The following LRRC4C variants were observed in gnomAD, a reference collection of about 807,000 sequenced individuals.
The protein encoded by LRRC4C is leucine-rich repeat-containing protein 4C.
In LRRC4C, 5 loss-of-function variants were observed where a neutral mutation model predicts 33.6. That is an observed-to-expected ratio of 0.15 (90% CI 0.08 to 0.31). The LOEUF (loss-of-function observed/expected upper bound fraction) is 0.31, where lower values mean the gene tolerates loss of function less well. LRRC4C is among the 10% of genes least tolerant of loss of function. The pLI is 1.00. For missense variants in LRRC4C, 560 were observed against 796.7 expected, an observed-to-expected ratio of 0.70 and a Z score of 3.58; for synonymous variants, 329 against 302.0, an observed-to-expected ratio of 1.09 and a Z score of -0.93.
At chr11:40,320,815 A>G (rs1945806427) in intron 3 of LRRC4C, among the ~76,000 whole-genome samples, 1 of 152,204 alleles carries the variant, frequency 6.6e-6, no homozygotes, top group Non-Finnish European at 1.5e-5. Context: ...TAGAATGATC[A>G]GGAAGATTTT....
At chr11:40,951,409 T>C (rs1958684364) in intron 1 of LRRC4C, among the ~76,000 whole-genome samples, 1 of 146,352 alleles carries the variant, frequency 6.8e-6, no homozygotes, top group African/African-American at 2.5e-5. Flanking sequence ...TTGGGGGAAA[T>C]AGGAGTGAAA....
chr11:41,145,719 C>G (rs941436006), intron 1 of LRRC4C, among the ~76,000 whole-genome samples: 2 of 152,128 alleles, frequency 1.3e-5, no homozygotes, highest in East Asian at 1.9e-4. Context: ...ACACTGCATG[C>G]CTCTTACCTA....
chr11:40,905,878 C>A (rs1956391935), intron 2 of LRRC4C, among the ~76,000 whole-genome samples: 1 of 152,188 alleles, frequency 6.6e-6, no homozygotes, highest in African/African-American at 2.4e-5. Flanking sequence ...GATAAAGTAG[C>A]CACAGAGTTT....
intron 1 of LRRC4C, among the ~76,000 whole-genome samples, chr11:41,316,650 T>C (rs1950806715): frequency 1.3e-5 from 2 of 152,198 alleles, no homozygotes. Context: ...TCTTATCCCC[T>C]TGCTTTCTTA....
At chr11:41,231,361 C>G (rs12285778) in intron 1 of LRRC4C, among the ~76,000 whole-genome samples, 4 of 151,970 alleles carry the variant, frequency 2.6e-5, no homozygotes, top group Non-Finnish European at 4.4e-5. Context: ...GACTTGGAAC[C>G]AACCCAAATG....
intron 1 of LRRC4C, among the ~76,000 whole-genome samples, chr11:41,403,044 C>A (rs747008230): frequency 9.2e-5 from 14 of 151,888 alleles, no homozygotes; most frequent in Non-Finnish European, 1.5e-4. Context: ...GTATTTTTTT[C>A]TTTGCTGAAG....
At position 40,147,939 on chromosome 11, in the gene LRRC4C, G is replaced by A. The variant is rs149252457; in HGVS notation, c.-95-7086C>T. On this transcript the variant is annotated intron_variant, in intron 5 of 6. Transcript: ENST00000528697. ...GCCCCAGTGTGTGTTGTTCCCCTCT[G>A]TGTGTCCATGTGTTCTCATCATTTA... is the stretch of plus-strand genomic sequence containing the variant. Among the ~76,000 whole-genome samples, 560 of 152,082 alleles carry A rather than the reference G, an allele frequency of 3.7e-3. 6 individuals are homozygous for A. Among genetic ancestry groups the A allele is most frequent in the African/African-American group, 0.012 (516 of 41,490 alleles).
chr11:41,390,664 G>A (rs1236479563), intron 1 of LRRC4C, among the ~76,000 whole-genome samples: 1 of 151,758 alleles, frequency 6.6e-6, no homozygotes, highest in Non-Finnish European at 1.5e-5. Context: ...AACTTCATCT[G>A]ATCATCTCCA....
At chr11:41,309,715 C>T (rs1161660592) in intron 1 of LRRC4C, among the ~76,000 whole-genome samples, 1 of 152,162 alleles carries the variant, frequency 6.6e-6, no homozygotes, top group African/African-American at 2.4e-5. Context: ...AAAATAAAAT[C>T]CCTGCACACT....
chr11:41,386,698 C>T (rs1953374392), intron 1 of LRRC4C, among the ~76,000 whole-genome samples: 1 of 151,490 alleles, frequency 6.6e-6, no homozygotes, highest in Non-Finnish European at 1.5e-5. Context: ...CATATGCTTC[C>T]TTTTTCATCT....
chr11:40,442,599 T>C (rs1951447555), intron 3 of LRRC4C, among the ~76,000 whole-genome samples: 1 of 152,210 alleles, frequency 6.6e-6, no homozygotes, highest in Non-Finnish European at 1.5e-5. Context: ...ACCCGACCTT[T>C]AAACTCTGTC....
In LRRC4C at chr11:40,316,755, G is replaced by C. The variant is rs144039755; in HGVS notation, c.-176+2873C>G. Among the ~76,000 whole-genome samples the C allele has an allele frequency of 4.1e-3, 619 of 151,946 alleles. 16 individuals are homozygous for C. The highest frequency in any genetic ancestry group is 0.015 in the African/African-American group (601 of 41,408). On this transcript the variant is annotated intron_variant, in intron 4 of 6. Coordinates refer to ENST00000528697, the MANE Select transcript of LRRC4C (RefSeq NM_001258419.2). ...TCATTAGAAGCTTCATAAATCTCAA[G>C]GTAAAATTAAACTTAGAATGCTTTC...
chr11:41,172,574 GTCCT>G (rs1227925358), intron 1 of LRRC4C, among the ~76,000 whole-genome samples: 3 of 152,034 alleles, frequency 2.0e-5, no homozygotes, highest in African/African-American at 4.8e-5. Flanking sequence ...TGCTCACACA[GTCCT>G]TGTAATTTTA....
chr11:40,313,422 C>A (rs1945410978), intron 4 of LRRC4C, among the ~76,000 whole-genome samples: 1 of 151,878 alleles, frequency 6.6e-6, no homozygotes, highest in African/African-American at 2.4e-5. Context: ...CAATGTCATA[C>A]ATTGGAGGAA....
intron 3 of LRRC4C, among the ~76,000 whole-genome samples, chr11:40,470,304 A>G (rs957044138): frequency 2.0e-5 from 3 of 152,212 alleles, no homozygotes; most frequent in African/African-American, 7.2e-5. Context: ...TGACTGTTAG[A>G]AGGAAAGCTA....
At chr11:41,063,447 A>G (rs1937951990) in intron 1 of LRRC4C, among the ~76,000 whole-genome samples, 1 of 152,186 alleles carries the variant, frequency 6.6e-6, no homozygotes, top group South Asian at 2.1e-4. Context: ...AATAAAGTAT[A>G]TAAGAATGAT....
chr11:40,437,205 A>C (rs780534798), intron 3 of LRRC4C, among the ~76,000 whole-genome samples: 26 of 152,086 alleles, frequency 1.7e-4, no homozygotes, highest in Non-Finnish European at 7.3e-5. Flanking sequence ...CACTATATTA[A>C]GTGGCCCAAG....
At chr11:41,259,289 A>T (rs1483790836) in intron 1 of LRRC4C, among the ~76,000 whole-genome samples, 2 of 152,026 alleles carry the variant, frequency 1.3e-5, no homozygotes, top group Non-Finnish European at 2.9e-5. Flanking sequence ...TATTTTTCTC[A>T]TGAAAGACAT....
intron 1 of LRRC4C, among the ~76,000 whole-genome samples, chr11:41,449,133 C>T (rs977351150): frequency 3.3e-5 from 5 of 152,088 alleles, no homozygotes; most frequent in Non-Finnish European, 7.3e-5. Flanking sequence ...GAAGCATTGC[C>T]TCTAATTTGA....
Sources: gnomAD v4.1 joint callset for allele counts (sites outside exome capture counted in the v4.1 genomes callset) on GRCh38, gnomAD v4.1.1 for gene constraint, MANE v1.5 for transcripts, NCBI Gene and HGNC (gene_info 2026-07-23, HGNC 2026-07-21) for gene names.